Variants in NTM observed in about 807,000 individuals in gnomAD.
NTM encodes the protein neurotrimin.
In NTM, 13 loss-of-function variants were observed where a neutral mutation model predicts 42.1. That is an observed-to-expected ratio of 0.31 (90% CI 0.20 to 0.49). NTM has a LOEUF of 0.49. NTM is among the 20% of genes least tolerant of loss of function. The pLI, the probability that NTM is intolerant of heterozygous loss-of-function variation, is 0.99. For missense variants in NTM, 373 were observed against 452.8 expected (o/e 0.82, Z 1.60); for synonymous variants, 187 against 179.2 (o/e 1.04, Z -0.35).
At chr11:132,179,555 C>T (rs1417490174) in intron 3 of NTM, among the ~76,000 whole-genome samples, 3 of 152,104 alleles carry the variant, frequency 2.0e-5, no homozygotes, top group African/African-American at 4.8e-5. Context: ...GAGTTTACAT[C>T]CTGTGAAATG....
intron 2 of NTM, among the ~76,000 whole-genome samples, chr11:131,999,691 TTTC>T (rs1184337320): frequency 6.6e-6 from 1 of 152,232 alleles, no homozygotes; most frequent in Non-Finnish European, 1.5e-5. Flanking sequence ...GCCTTGTTCT[TTTC>T]TTAAATAAAT....
intron 2 of NTM, among the ~76,000 whole-genome samples, chr11:131,974,067 T>A (rs1194194419): frequency 3.4e-5 from 2 of 58,816 alleles, no homozygotes; most frequent in African/African-American, 1.3e-4. Flanking sequence ...CTTAATAACA[T>A]TTTCTTTTCT....
At chr11:131,548,557 T>C (rs977339143) in intron 1 of NTM, among the ~76,000 whole-genome samples, 3 of 152,160 alleles carry the variant, frequency 2.0e-5, no homozygotes, top group African/African-American at 7.2e-5. Flanking sequence ...CTTTATGAGA[T>C]ACAAAAGTTT....
chr11:131,403,122 C>T (rs1038806116), intron 1 of NTM, among the ~76,000 whole-genome samples: 2 of 152,236 alleles, frequency 1.3e-5, no homozygotes, highest in African/African-American at 2.4e-5. Flanking sequence ...TGAATTGTCA[C>T]TGTTCCCTGA....
intron 1 of NTM, among the ~76,000 whole-genome samples, chr11:131,435,290 T>A (rs1949028455): frequency 6.6e-6 from 1 of 152,216 alleles, no homozygotes; most frequent in Non-Finnish European, 1.5e-5. Flanking sequence ...TTTGGTTCCA[T>A]ATGAACCTTA....
At chr11:132,098,513 G>T (rs1156945968) in intron 2 of NTM, among the ~76,000 whole-genome samples, 5 of 152,206 alleles carry the variant, frequency 3.3e-5, no homozygotes, top group Non-Finnish European at 7.3e-5. Flanking sequence ...GTGCTTGAAT[G>T]ACGAGACTAA....
intron 1 of NTM, among the ~76,000 whole-genome samples, chr11:131,474,469 C>G (rs1952731566): frequency 6.6e-6 from 1 of 152,114 alleles, no homozygotes; most frequent in South Asian, 2.1e-4. Flanking sequence ...GAGTTCCACC[C>G]CTACATGCCC....
chr11:132,140,974 C>A (rs908877470), intron 2 of NTM: 1 of 152,196 alleles, frequency 6.6e-6, no homozygotes, highest in Non-Finnish European at 1.5e-5. Flanking sequence ...GCTTGAGATG[C>A]GCTGCCTTTC....
chr11:132,302,190 C>A (rs1007817055), intron 4 of NTM, among the ~76,000 whole-genome samples: 1 of 152,084 alleles, frequency 6.6e-6, no homozygotes, highest in South Asian at 2.1e-4. Flanking sequence ...CTTCGGTTGT[C>A]GTATTCCACT....
chr11:131,643,347 A>G (rs1015300724), intron 1 of NTM, among the ~76,000 whole-genome samples: 3 of 152,238 alleles, frequency 2.0e-5, no homozygotes, highest in African/African-American at 7.2e-5. Context: ...GGCTGCAGGA[A>G]GCCTGCTGAC....
intron 1 of NTM, among the ~76,000 whole-genome samples, chr11:131,417,740 T>C (rs575790222): frequency 1.3e-5 from 2 of 152,300 alleles, no homozygotes; most frequent in Admixed American, 6.5e-5. Context: ...CTCTCCAAAA[T>C]CCATCTGGAC....
At chr11:131,392,506 G>T (rs1465303948) in intron 1 of NTM, among the ~76,000 whole-genome samples, 1 of 152,250 alleles carries the variant, frequency 6.6e-6, no homozygotes, top group African/African-American at 2.4e-5. Context: ...GACCTGCACA[G>T]ACCTCCCTGG....
intron 1 of NTM, among the ~76,000 whole-genome samples, chr11:131,789,466 GAA>G (rs1486680732): frequency 1.7e-3 from 23 of 13,570 alleles, no homozygotes; most frequent in East Asian, 9.5e-3. Context: ...AGAAGAAGAA[GAA>G]GAAGAAGAAG....
At chr11:132,234,377 T>A (rs1304155569) in intron 4 of NTM, among the ~76,000 whole-genome samples, 1 of 152,216 alleles carries the variant, frequency 6.6e-6, no homozygotes, top group East Asian at 1.9e-4. Context: ...TATCATTGCA[T>A]ACTCCTTATC....
intron 1 of NTM, among the ~76,000 whole-genome samples, chr11:131,672,058 T>C (rs2070377669): frequency 6.6e-6 from 1 of 152,196 alleles, no homozygotes; most frequent in Non-Finnish European, 1.5e-5. Context: ...TGCACATCCC[T>C]TTCTCTTTGT....
chr11:132,204,459 G>T (rs1434181454), intron 3 of NTM, among the ~76,000 whole-genome samples: 1 of 152,176 alleles, frequency 6.6e-6, no homozygotes, highest in Non-Finnish European at 1.5e-5. Context: ...CTTAGGAGAG[G>T]CAGACAGTTG....
chr11:131,381,010 G>T (rs930679104), intron 1 of NTM, among the ~76,000 whole-genome samples: 10 of 152,142 alleles, frequency 6.6e-5, no homozygotes, highest in Non-Finnish European at 1.0e-4. Context: ...TAATAAACCG[G>T]ATGTTATGGA....
intron 2 of NTM, among the ~76,000 whole-genome samples, chr11:131,983,626 T>G (rs1390818962): frequency 6.6e-6 from 1 of 152,192 alleles, no homozygotes; most frequent in East Asian, 1.9e-4. Flanking sequence ...TCTGCCTGCC[T>G]CGGCCTCCCA....
At chr11:131,468,988 A>G (rs894228976) in intron 1 of NTM, among the ~76,000 whole-genome samples, 4 of 152,240 alleles carry the variant, frequency 2.6e-5, no homozygotes, top group South Asian at 2.1e-4. Flanking sequence ...CCAAGGCAAT[A>G]AGCAGATGGA....
Sources: allele counts gnomAD v4.1 joint callset (sites outside exome capture counted in the v4.1 genomes callset), GRCh38; gene constraint gnomAD v4.1.1; transcripts MANE v1.5; gene names NCBI Gene and HGNC (gene_info 2026-07-23, HGNC 2026-07-21).